Variants in HS3ST4 observed in about 807,000 individuals in gnomAD.
HS3ST4 encodes the protein heparan sulfate-glucosamine 3-sulfotransferase 4, also known as heparan sulfate glucosamine 3-O-sulfotransferase 4.
Under a neutral mutation model 29.2 loss-of-function variants are expected in HS3ST4, and 17 were observed. The ratio of observed to expected loss-of-function variants is 0.58; its 90% confidence interval spans 0.40 to 0.87. The LOEUF is 0.87. Ranked by LOEUF, HS3ST4 falls within the 40% of genes least tolerant of loss-of-function variation. HS3ST4 has a pLI of 0.00. For synonymous variants in HS3ST4, 314 were observed against 285.7 expected (o/e 1.10, Z -1.00); for missense variants, 627 against 634.5 (o/e 0.99, Z 0.13).
intron 1 of HS3ST4, among the ~76,000 whole-genome samples, chr16:25,743,757 C>T (rs774081348): frequency 1.3e-5 from 2 of 152,158 alleles, no homozygotes; most frequent in Non-Finnish European, 2.9e-5. Flanking sequence ...CTGCCCACCT[C>T]GGCCTCCCAA....
At chr16:25,896,440 G>T (rs116130477) in intron 1 of HS3ST4, among the ~76,000 whole-genome samples, 4 of 152,068 alleles carry the variant, frequency 2.6e-5, no homozygotes, top group Non-Finnish European at 4.4e-5. Context: ...AATCAAAAGC[G>T]CAATGAGATA....
chr16:25,987,117 G>A (rs920220117), intron 1 of HS3ST4, among the ~76,000 whole-genome samples: 20 of 152,284 alleles, frequency 1.3e-4, no homozygotes, highest in African/African-American at 4.6e-4. Flanking sequence ...TTGGGAGGCC[G>A]AGGTGGGTGG....
chr16:25,714,390 G>A (rs1483458611), intron 1 of HS3ST4, among the ~76,000 whole-genome samples: 1 of 152,160 alleles, frequency 6.6e-6, no homozygotes, highest in Non-Finnish European at 1.5e-5. Context: ...CTGACGAGAA[G>A]TTATCCAGAG....
At chr16:25,701,015 C>T (rs776974780) in intron 1 of HS3ST4, among the ~76,000 whole-genome samples, 2 of 152,080 alleles carry the variant, frequency 1.3e-5, no homozygotes, top group South Asian at 2.1e-4. Context: ...GATTGCCTTA[C>T]GTGATTGAGA....
chr16:25,904,790 G>A (rs1968163572), intron 1 of HS3ST4, among the ~76,000 whole-genome samples: 1 of 152,114 alleles, frequency 6.6e-6, no homozygotes, highest in African/African-American at 2.4e-5. Flanking sequence ...TGTATAAAGC[G>A]GGGCTCATGT....
intron 1 of HS3ST4, among the ~76,000 whole-genome samples, chr16:26,098,877 A>G (rs1898960616): frequency 1.3e-5 from 2 of 152,046 alleles, no homozygotes; most frequent in African/African-American, 4.8e-5. Context: ...ACTATTGAGA[A>G]TGAGCCACAT....
chr16:25,840,278 A>G (rs1156850984), intron 1 of HS3ST4, among the ~76,000 whole-genome samples: 1 of 152,208 alleles, frequency 6.6e-6, no homozygotes, highest in Non-Finnish European at 1.5e-5. Flanking sequence ...CAAACAGCTG[A>G]CAGAGAGTTT....
intron 1 of HS3ST4, among the ~76,000 whole-genome samples, chr16:25,876,525 A>G: frequency 6.6e-6 from 1 of 152,112 alleles, no homozygotes; most frequent in Non-Finnish European, 1.5e-5. Context: ...CACTGAATTC[A>G]GTGGAATTCA....
chr16:25,802,319 T>C (rs1429338499), intron 1 of HS3ST4, among the ~76,000 whole-genome samples: 2 of 152,162 alleles, frequency 1.3e-5, no homozygotes, highest in Non-Finnish European at 2.9e-5. Context: ...TTTATCTAAA[T>C]TTGTTTATTG....
chr16:25,772,345 A>G (rs1567236704), intron 1 of HS3ST4, among the ~76,000 whole-genome samples: 1 of 152,218 alleles, frequency 6.6e-6, no homozygotes, highest in Non-Finnish European at 1.5e-5. Flanking sequence ...ACATCTTACT[A>G]GAGAATTACA....
At chr16:26,129,263 A>G (rs1899387280) in intron 1 of HS3ST4, among the ~76,000 whole-genome samples, 1 of 152,214 alleles carries the variant, frequency 6.6e-6, no homozygotes, top group Admixed American at 6.5e-5. Flanking sequence ...TGCAGAACAC[A>G]TAATGTGTCT....
intron 1 of HS3ST4, among the ~76,000 whole-genome samples, chr16:26,085,293 GA>G (rs1167951336): frequency 6.6e-6 from 1 of 152,156 alleles, no homozygotes; most frequent in East Asian, 1.9e-4. Flanking sequence ...TGGCACATGT[GA>G]AAGTGAGTTC....
At chr16:26,039,737 A>T (rs967138659) in intron 1 of HS3ST4, among the ~76,000 whole-genome samples, 4 of 151,760 alleles carry the variant, frequency 2.6e-5, no homozygotes, top group African/African-American at 7.3e-5. Context: ...CCACCCTTTC[A>T]CTACCCTTCC....
chr16:25,706,725 G>C (rs1386943347), intron 1 of HS3ST4, among the ~76,000 whole-genome samples: 1 of 152,278 alleles, frequency 6.6e-6, no homozygotes, highest in Non-Finnish European at 1.5e-5. Flanking sequence ...AAATATGTTA[G>C]ATTAGCTGGC....
intron 1 of HS3ST4, among the ~76,000 whole-genome samples, chr16:25,728,318 TTATTA>T (rs1451132821): frequency 6.6e-6 from 1 of 152,132 alleles, no homozygotes; most frequent in Non-Finnish European, 1.5e-5. Flanking sequence ...TTCAGTAAGT[TTATTA>T]TATTCAGCTT....
chr16:26,120,071 ATGTGTG>A (rs59962417), intron 1 of HS3ST4, among the ~76,000 whole-genome samples: 23 of 135,276 alleles, frequency 1.7e-4, no homozygotes, highest in South Asian at 1.2e-3. Context: ...GTGTGTGTGT[ATGTGTG>A]TGTGTGTGTG....
At chr16:25,831,406 C>CCT (rs1334494242) in intron 1 of HS3ST4, among the ~76,000 whole-genome samples, 5 of 140,086 alleles carry the variant, frequency 3.6e-5, no homozygotes, top group African/African-American at 1.4e-4. Context: ...TACACACACA[C>CCT]ACACACACAC....
chr16:25,768,171 C>A lies in HS3ST4; in HGVS notation c.734+75020C>A, dbSNP rs114399962. On this transcript the variant is annotated intron_variant, in intron 1 of 1. Coordinates refer to ENST00000331351, the MANE Select transcript of HS3ST4 (RefSeq NM_006040.3). Reference sequence around the variant, plus strand: ...TCAGTTTTGGAGGCCACTGCTCCTTCTGATGCCCAACATTTGTGCCACTTC... The same window carrying A: ...TCAGTTTTGGAGGCCACTGCTCCTTATGATGCCCAACATTTGTGCCACTTC... 3.0e-3 allele frequency among the ~76,000 whole-genome samples: 456 copies of A among 152,318 alleles called. 1 individual carries two copies. Among genetic ancestry groups the A allele is most frequent in the African/African-American group, 0.011 (440 of 41,558 alleles).
intron 1 of HS3ST4, among the ~76,000 whole-genome samples, chr16:26,096,584 T>TG (rs1898929080): frequency 1.3e-5 from 2 of 152,292 alleles, no homozygotes; most frequent in Non-Finnish European, 1.5e-5. Context: ...TAGATATTGA[T>TG]AGAACGTATC....
Sources: allele counts gnomAD v4.1 joint callset (sites outside exome capture counted in the v4.1 genomes callset), GRCh38; gene constraint gnomAD v4.1.1; transcripts MANE v1.5; gene names NCBI Gene and HGNC (gene_info 2026-07-23, HGNC 2026-07-21).